The following ERC2 variants were observed in gnomAD, a reference collection of about 807,000 sequenced individuals.
ERC2 encodes ERC protein 2.
ERC2 carries 42 observed loss-of-function variants against 114.8 expected under a neutral mutation model. That is an observed-to-expected ratio of 0.37 (90% CI 0.29 to 0.47). ERC2 has a LOEUF of 0.47. ERC2 is among the 20% of genes least tolerant of loss of function. ERC2 has a pLI of 0.99. For missense variants in ERC2, 939 were observed against 1,150.7 expected, an observed-to-expected ratio of 0.82 and a Z score of 2.66; for synonymous variants, 454 against 425.5, an observed-to-expected ratio of 1.07 and a Z score of -0.82.
chr3:56,257,350 A>G (rs2052591404), intron 3 of ERC2, among the ~76,000 whole-genome samples: 1 of 152,224 alleles, frequency 6.6e-6, no homozygotes, highest in Non-Finnish European at 1.5e-5. Context: ...GGTTTATAAT[A>G]CACATTAATG....
intron 12 of ERC2, among the ~76,000 whole-genome samples, chr3:55,976,059 C>T (rs2069566392): frequency 2.0e-5 from 3 of 152,162 alleles, no homozygotes; most frequent in African/African-American, 7.2e-5. Context: ...GGCAGGGCTA[C>T]CTAGCGATCC....
chr3:56,233,451 T>C (rs1259687819), intron 3 of ERC2, among the ~76,000 whole-genome samples: 1 of 151,944 alleles, frequency 6.6e-6, no homozygotes, highest in Non-Finnish European at 1.5e-5. Context: ...TGAAACCCCA[T>C]CTCTACTAAA....
chr3:56,231,576 G>A (rs1055706373), intron 3 of ERC2, among the ~76,000 whole-genome samples: 1 of 152,192 alleles, frequency 6.6e-6, no homozygotes, highest in African/African-American at 2.4e-5. Context: ...AGTTCATGAT[G>A]TAAGTATACA....
chr3:55,868,585 C>T (rs2062431884), intron 14 of ERC2, among the ~76,000 whole-genome samples: 1 of 152,202 alleles, frequency 6.6e-6, no homozygotes, highest in South Asian at 2.1e-4. Context: ...ACATCAGAGG[C>T]TGAAGCCGTC....
chr3:55,958,944 A>T (rs984334379), intron 12 of ERC2, among the ~76,000 whole-genome samples: 2 of 152,024 alleles, frequency 1.3e-5, no homozygotes, highest in African/African-American at 4.8e-5. Context: ...TGCTGTGCCA[A>T]CTCAGTAAGG....
At chr3:56,205,151 G>C (rs1319364095) in intron 3 of ERC2, among the ~76,000 whole-genome samples, 1 of 152,064 alleles carries the variant, frequency 6.6e-6, no homozygotes, top group African/African-American at 2.4e-5. Flanking sequence ...CTGCCACCCA[G>C]GCTTTGACAT....
Position 55,983,930 on chromosome 3 carries a change from G to C in ERC2, c.2267+2047C>G, listed in dbSNP as rs1489225046. 2.6e-5 allele frequency among the ~76,000 whole-genome samples: 4 copies of C among 152,114 alleles called. No homozygotes were observed. The South Asian group carries it at 8.3e-4, about 32-fold the overall frequency. On this transcript the variant is annotated intron_variant, in intron 12 of 17. Coordinates refer to ENST00000288221, the MANE Select transcript of ERC2 (RefSeq NM_015576.3). ...AAACCTGGAAGTCATTGGGAATAAAGCACAGTTAATTCTGGAAACTTGTCA... is the reference window on the plus strand; with the variant it reads ...AAACCTGGAAGTCATTGGGAATAAACCACAGTTAATTCTGGAAACTTGTCA...
In ERC2 at chr3:56,290,191, G is replaced by A. The variant is rs1074493; in HGVS notation, c.1074+5828C>T. ...GTTTCTTCTCTACTCCAAACATAGA[G>A]CAATGATGCAGAAAACATTTTTTAA... On this transcript the variant is annotated intron_variant, in intron 3 of 17. Transcript: ENST00000288221. Among the ~76,000 whole-genome samples the A allele has an allele frequency of 6.0e-3, 916 of 152,306 alleles. 9 individuals carry two copies. The highest frequency in any genetic ancestry group is 0.021 in the African/African-American group (884 of 41,574).
chr3:56,203,463 G>C (rs913924795), intron 3 of ERC2, among the ~76,000 whole-genome samples: 2 of 152,102 alleles, frequency 1.3e-5, no homozygotes, highest in African/African-American at 2.4e-5. Flanking sequence ...TTAAGTTATC[G>C]TATACTCTCC....
At chr3:56,327,684 A>T (rs2057426677) in intron 2 of ERC2, among the ~76,000 whole-genome samples, 1 of 152,076 alleles carries the variant, frequency 6.6e-6, no homozygotes, top group Non-Finnish European at 1.5e-5. Flanking sequence ...TCAATCAATC[A>T]ATCAATCAAT....
In ERC2 at chr3:56,177,975, CCCA is replaced by C. The variant is rs560256041; in HGVS notation, c.1075-4458_1075-4456del. Among the ~76,000 whole-genome samples the C allele has an allele frequency of 6.6e-4, 101 of 152,200 alleles. 1 individual carries two copies. The South Asian group carries it at 0.021, about 32-fold the overall frequency. ...TTAACATCTCACTGTGACATCAAACCCCACATTATATATTTTCCTGTAATTTCA... is the reference window on the plus strand; with the variant it reads ...TTAACATCTCACTGTGACATCAAACCCATTATATATTTTCCTGTAATTTCA... On this transcript the variant is annotated intron_variant, in intron 3 of 17. Coordinates refer to ENST00000288221, the MANE Select transcript of ERC2 (RefSeq NM_015576.3).
chr3:56,053,688 G>A (rs1162416480), intron 7 of ERC2, among the ~76,000 whole-genome samples: 2 of 151,730 alleles, frequency 1.3e-5, no homozygotes, highest in Admixed American at 1.3e-4. Flanking sequence ...TAGCTGCCCC[G>A]ATGACTCCAC....
chr3:56,393,320 C>A (rs1288974332), intron 2 of ERC2, among the ~76,000 whole-genome samples: 1 of 152,150 alleles, frequency 6.6e-6, no homozygotes, highest in Admixed American at 6.5e-5. Context: ...ATCACTTGAA[C>A]CTGGGAGGCA....
intron 17 of ERC2, among the ~76,000 whole-genome samples, chr3:55,534,931 C>T (rs2053903116): frequency 6.6e-6 from 1 of 152,162 alleles, no homozygotes; most frequent in African/African-American, 2.4e-5. Flanking sequence ...CAATGGAAGA[C>T]ATAACGGTGA....
intron 7 of ERC2, among the ~76,000 whole-genome samples, chr3:56,024,285 G>A (rs945315829): frequency 7.2e-5 from 11 of 152,216 alleles, no homozygotes; most frequent in African/African-American, 2.7e-4. Flanking sequence ...TGCCCCAACT[G>A]CTGAAAACTA....
chr3:56,249,855 C>CTTTTT (rs34668162), intron 3 of ERC2, among the ~76,000 whole-genome samples: 50 of 112,784 alleles, frequency 4.4e-4, no homozygotes, highest in Non-Finnish European at 5.0e-4. Context: ...CATCAAATTT[C>CTTTTT]TTTTTTTTTT....
chr3:55,697,288 C>T (rs1295547652), intron 16 of ERC2, among the ~76,000 whole-genome samples: 2 of 152,152 alleles, frequency 1.3e-5, no homozygotes, highest in Non-Finnish European at 2.9e-5. Context: ...AGGTTAACTG[C>T]CTCTATGTCC....
intron 17 of ERC2, among the ~76,000 whole-genome samples, chr3:55,602,305 A>G (rs2058439293): frequency 6.6e-6 from 1 of 152,156 alleles, no homozygotes; most frequent in Non-Finnish European, 1.5e-5. Flanking sequence ...AAGATTCCTG[A>G]AGATGCTCAC....
At chr3:56,027,601 T>TA (rs1178895874) in intron 7 of ERC2, among the ~76,000 whole-genome samples, 1 of 152,266 alleles carries the variant, frequency 6.6e-6, no homozygotes, top group Non-Finnish European at 1.5e-5. Flanking sequence ...TGTGCTTATT[T>TA]ACTGTCTGTA....
Sources: gnomAD v4.1 joint callset for allele counts (sites outside exome capture counted in the v4.1 genomes callset) on GRCh38, gnomAD v4.1.1 for gene constraint, MANE v1.5 for transcripts, NCBI Gene and HGNC (gene_info 2026-07-23, HGNC 2026-07-21) for gene names.